The following STRN3 variants were observed in gnomAD, a reference collection of about 807,000 sequenced individuals.
The protein encoded by STRN3 is striatin 3, also known as striatin-3.
In STRN3, 29 loss-of-function variants were observed where a neutral mutation model predicts 95.6. The ratio of observed to expected loss-of-function variants is 0.30; its 90% CI spans 0.23 to 0.41. The LOEUF is 0.41. Among genes scored for constraint, STRN3 ranks in the 10% least tolerant of loss-of-function variants. The probability of loss-of-function intolerance (pLI) is 1.00; values close to 1 mark genes in which losing one functional copy is unlikely to be tolerated. For synonymous variants in STRN3, 331 were observed against 357.6 expected (o/e 0.93, Z 0.84); for missense variants, 890 against 972.1 (o/e 0.92, Z 1.12).
intron 1 of STRN3, among the ~76,000 whole-genome samples, chr14:30,957,478 G>GAGAA (rs1167754848): frequency 9.5e-5 from 14 of 147,808 alleles, no homozygotes; most frequent in Non-Finnish European, 1.6e-4. Context: ...AAGAGAGAGA[G>GAGAA]AAAAAAGAAA....
chr14:30,900,157 A>C (rs1236043530), intron 16 of STRN3, among the ~76,000 whole-genome samples: 1 of 152,100 alleles, frequency 6.6e-6, no homozygotes, highest in Non-Finnish European at 1.5e-5. Context: ...CAGGAGTTCA[A>C]GACCAGCCTG....
chr14:30,973,862 G>GA (rs1431113371), intron 1 of STRN3, among the ~76,000 whole-genome samples: 1 of 152,092 alleles, frequency 6.6e-6, no homozygotes, highest in Non-Finnish European at 1.5e-5. Flanking sequence ...CAGAATGAAG[G>GA]AAAAATTCAT....
In STRN3 at chr14:30,918,992, T is replaced by A. The variant is rs1312375019; in HGVS notation, c.1214A>T (p.Asp405Val). 1.3e-6 allele frequency: 2 copies of A among 1,597,288 alleles called. No homozygotes were observed. Among genetic ancestry groups the A allele is most frequent in the Admixed American group, 3.4e-5 (2 of 58,444 alleles). Reference sequence around the variant, plus strand: ...TTCCTCTGCTCTTGCACCTTCATGATCAGTCATTCTAGTAGAGGCTGACCT... The same window carrying A: ...TTCCTCTGCTCTTGCACCTTCATGAACAGTCATTCTAGTAGAGGCTGACCT... Reference protein sequence around the residue: ...QSRSASTRMTDHEGARAEEAE... With the variant: ...QSRSASTRMTVHEGARAEEAE... Residue 405 changes from aspartate to valine, a missense_variant, in exon 9 of 18, where the codon GAT becomes GTT. Coordinates refer to ENST00000357479, the MANE Select transcript of STRN3 (RefSeq NM_001083893.2).
chr14:30,930,831 T>C (rs988351281), intron 7 of STRN3, among the ~76,000 whole-genome samples: 3 of 152,104 alleles, frequency 2.0e-5, no homozygotes, highest in Non-Finnish European at 2.9e-5. Flanking sequence ...AATTAATCAT[T>C]TGCACTCATC....
chr14:30,925,133 TTG>T (rs1896991624), intron 8 of STRN3, among the ~76,000 whole-genome samples: 1 of 151,974 alleles, frequency 6.6e-6, no homozygotes, highest in Non-Finnish European at 1.5e-5. Context: ...CTCAATTATA[TTG>T]TATATCTCAC....
At chr14:30,983,329 G>T (rs1322047472) in intron 1 of STRN3, among the ~76,000 whole-genome samples, 3 of 152,150 alleles carry the variant, frequency 2.0e-5, no homozygotes, top group African/African-American at 7.2e-5. Flanking sequence ...GATCGCCTGA[G>T]GTCAGGAGTT....
chr14:30,968,621 G>C (rs1432882924), intron 1 of STRN3, among the ~76,000 whole-genome samples: 1 of 150,206 alleles, frequency 6.7e-6, no homozygotes, highest in Non-Finnish European at 1.5e-5. Flanking sequence ...CAGAGTTGCA[G>C]CGAGCCAAGA....
chr14:30,938,150 T>C (rs7146946), intron 5 of STRN3, among the ~76,000 whole-genome samples: 31,255 of 151,388 alleles, frequency 0.21, 3,658 homozygotes, highest in Middle Eastern at 0.28. Flanking sequence ...AACCTACAGA[T>C]AGAAAGGGTT....
At chr14:30,928,778 G>T (rs1367293695) in intron 8 of STRN3, among the ~76,000 whole-genome samples, 3 of 152,098 alleles carry the variant, frequency 2.0e-5, no homozygotes, top group Admixed American at 6.5e-5. Flanking sequence ...TACAGAAAGG[G>T]CTTTCCTATT....
Position 30,989,754 on chromosome 14 carries a change from G to A in STRN3, c.283-33512C>T, listed in dbSNP as rs146387192. On this transcript the variant is annotated intron_variant, in intron 1 of 17. Coordinates refer to ENST00000357479, the MANE Select transcript of STRN3 (RefSeq NM_001083893.2). Reference sequence around the variant, plus strand: ...ATTACAGGCGTGAGCCACCGCGCCCGGACAAAACACAGGATTTATAGCCAG... The same window carrying A: ...ATTACAGGCGTGAGCCACCGCGCCCAGACAAAACACAGGATTTATAGCCAG... Among the ~76,000 whole-genome samples, 100 of 152,062 alleles carry A rather than the reference G, an allele frequency of 6.6e-4. 1 individual carries two copies. Among genetic ancestry groups the A allele is most frequent in the Non-Finnish European group, 2.5e-4 (17 of 68,014 alleles).
chr14:30,939,031 A>C (rs890426073), intron 5 of STRN3, among the ~76,000 whole-genome samples: 4 of 152,206 alleles, frequency 2.6e-5, no homozygotes, highest in African/African-American at 9.6e-5. Flanking sequence ...TCAGGAGCAC[A>C]GAAAGTAATA....
intron 16 of STRN3, among the ~76,000 whole-genome samples, chr14:30,900,748 A>C (rs1352604413): frequency 1.5e-4 from 1 of 6,712 alleles, no homozygotes; most frequent in African/African-American, 2.3e-4. Context: ...AGACTGGCTC[A>C]AAAAAAAAAA....
chr14:30,932,587 G>T (rs778190503), intron 7 of STRN3, among the ~76,000 whole-genome samples: 1 of 152,050 alleles, frequency 6.6e-6, no homozygotes, highest in South Asian at 2.1e-4. Context: ...GGACCTTTTC[G>T]ATTACTTCCA....
intron 1 of STRN3, among the ~76,000 whole-genome samples, chr14:31,003,480 A>ATATTT (rs1242722218): frequency 2.0e-5 from 3 of 152,022 alleles, no homozygotes; most frequent in African/African-American, 7.2e-5. Context: ...TGGGTCATGG[A>ATATTT]GGGTGGATCC....
At chr14:30,960,073 G>C (rs972407722) in intron 1 of STRN3, among the ~76,000 whole-genome samples, 1 of 151,990 alleles carries the variant, frequency 6.6e-6, no homozygotes, top group Non-Finnish European at 1.5e-5. Context: ...GAATGAGATG[G>C]GCCGAGTACA....
At chr14:30,955,592 A>T in intron 3 of STRN3, 28 bp downstream of exon 3, 1 of 1,555,394 alleles carries the variant, frequency 6.4e-7, no homozygotes, top group Non-Finnish European at 8.6e-7. Flanking sequence ...ATTAAAAAAA[A>T]AAAAAGTAAC....
At chr14:30,964,536 TG>T in intron 1 of STRN3, 1 of 164,132 alleles carries the variant, frequency 6.1e-6, no homozygotes, top group Admixed American at 6.0e-5. Context: ...CACATGCATG[TG>T]GCAGCCCAAG....
chr14:30,929,969 A>AAAAAAAC (rs1566441479), intron 7 of STRN3, among the ~76,000 whole-genome samples: 2 of 149,230 alleles, frequency 1.3e-5, no homozygotes, highest in Non-Finnish European at 3.0e-5. Flanking sequence ...AAAAAAAAAA[A>AAAAAAAC]AAAAAAAAAA....
chr14:30,975,555 A>G (rs72668390), intron 1 of STRN3, among the ~76,000 whole-genome samples: 67 of 143,280 alleles, frequency 4.7e-4, no homozygotes, highest in Non-Finnish European at 4.4e-4. Context: ...AAAAAAAAAA[A>G]AAGAAGAAGA....
Sources: allele counts gnomAD v4.1 joint callset (sites outside exome capture counted in the v4.1 genomes callset), GRCh38; gene constraint gnomAD v4.1.1; transcripts MANE v1.5; gene names NCBI Gene and HGNC (gene_info 2026-07-23, HGNC 2026-07-21).